The following ZSCAN25 variants were observed in gnomAD, a reference collection of about 807,000 sequenced individuals.
The protein encoded by ZSCAN25 is zinc finger and SCAN domain-containing protein 25.
Under a neutral mutation model 38.7 loss-of-function variants are expected in ZSCAN25, and 27 were observed. The observed-to-expected ratio is 0.70, with a 90% CI of 0.51 to 0.96. ZSCAN25 has a LOEUF of 0.96. Among genes scored for constraint, ZSCAN25 ranks in the 40% least tolerant of loss-of-function variants. The pLI is 0.00. For synonymous variants in ZSCAN25, 273 were observed against 277.7 expected (o/e 0.98, Z 0.17); for missense variants, 637 against 705.9 (o/e 0.90, Z 1.11).
the ZSCAN25 span, among the ~76,000 whole-genome samples, chr7:99,690,390 G>A: frequency 1.3e-5 from 2 of 152,162 alleles, no homozygotes; most frequent in South Asian, 4.1e-4. Context: ...GCATGGGCAA[G>A]GACTTCATGT....
the ZSCAN25 span, among the ~76,000 whole-genome samples, chr7:99,641,894 T>G: frequency 8.0e-4 from 122 of 152,340 alleles, no homozygotes; most frequent in African/African-American, 2.8e-3. Context: ...GCATACTCTC[T>G]TCTCTATCCA....
downstream of ZSCAN25, among the ~76,000 whole-genome samples, chr7:99,633,025 G>A (rs927290150): frequency 8.3e-6 from 1 of 120,042 alleles, no homozygotes; most frequent in Non-Finnish European, 1.6e-5. Context: ...TCGCTCTGTT[G>A]CCCAGGCTGG....
At chr7:99,710,775 T>C in the ZSCAN25 span, 16 of 1,613,806 alleles carry the variant, frequency 9.9e-6, no homozygotes, top group African/African-American at 1.3e-5. Flanking sequence ...CACTTTCTGC[T>C]GGACATCAGG....
Position 99,619,988 on chromosome 7 carries a change from A to C in ZSCAN25, c.382A>C (p.Lys128Gln). Residue 128 changes from lysine to glutamine, a missense_variant, in exon 4 of 8, where the codon AAG becomes CAG. Physicochemically the swap from Lys to Gln is moderately conservative, Grantham distance 53. Transcript: ENST00000394152. ...CCTGACAGAAAGAGCACTGGAGGCC[A>C]AGGCGGTGGGTGAGGAGGGGATCCA... ...EDLTERALEA[K>Q]AVPCHRQGEQ... is the part of the protein sequence containing the mutation. 6.2e-7 allele frequency: 1 copy of C among 1,611,764 alleles called. No individual in the cohort carries two copies. The highest frequency in any genetic ancestry group is 8.5e-7 in the Non-Finnish European group (1 of 1,179,418).
At chr7:99,677,933 A>T in the ZSCAN25 span, among the ~76,000 whole-genome samples, 1 of 152,246 alleles carries the variant, frequency 6.6e-6, no homozygotes, top group Non-Finnish European at 1.5e-5. Context: ...TTCACATGGT[A>T]CCATGTCAAG....
the ZSCAN25 span, among the ~76,000 whole-genome samples, chr7:99,730,159 G>A: frequency 6.6e-6 from 1 of 152,162 alleles, no homozygotes; most frequent in Non-Finnish European, 1.5e-5. Flanking sequence ...CATCAGATAA[G>A]GTTAGGCACA....
At chr7:99,665,039 A>G in the ZSCAN25 span, 2 of 915,958 alleles carry the variant, frequency 2.2e-6, no homozygotes, top group Non-Finnish European at 3.2e-6. Context: ...ATGGTCATAC[A>G]TATTTTTGAT....
the ZSCAN25 span, among the ~76,000 whole-genome samples, chr7:99,710,136 A>C: frequency 6.6e-6 from 1 of 152,248 alleles, no homozygotes; most frequent in African/African-American, 2.4e-5. Context: ...ATGTCTCTTC[A>C]TAGCACAAAG....
chr7:99,617,176 C>G (rs1272138997), intron 1 of ZSCAN25, among the ~76,000 whole-genome samples, 160 bp downstream of exon 1: 1 of 152,208 alleles, frequency 6.6e-6, no homozygotes, highest in Non-Finnish European at 1.5e-5. Context: ...CTCTCAGGAG[C>G]TGCCTTCAGC....
the ZSCAN25 span, chr7:99,662,877 T>G: frequency 6.2e-7 from 1 of 1,613,706 alleles, no homozygotes. The surrounding 1 kb of genome is among the most constrained non-coding windows in gnomAD (Gnocchi z 4.3). Flanking sequence ...GGAAATCTAG[T>G]CGGTGCTAGA....
Position 99,630,584 on chromosome 7 carries a change from G to A in ZSCAN25, c.*564G>A, listed in dbSNP as rs1444207292. 8.1e-6 allele frequency: 8 copies of A among 987,128 alleles called. No individual in the cohort carries two copies. The highest frequency in any genetic ancestry group is 9.6e-6 in the Non-Finnish European group (8 of 831,358). 61.1% of individuals were successfully genotyped at this position (987,128 alleles called of 1,614,324 possible). On this transcript the variant is annotated 3_prime_UTR_variant, in exon 8 of 8. Transcript: ENST00000394152. ...CCCGAGGCATTCTCAGGGTATCTGT[G>A]CTGTGTGCCCGTGAGAACATCTTCC... is the stretch of plus-strand genomic sequence containing the variant.
the ZSCAN25 span, among the ~76,000 whole-genome samples, chr7:99,716,856 T>C: frequency 2.2e-3 from 336 of 152,238 alleles, 5 homozygotes; most frequent in Admixed American, 0.013. Flanking sequence ...CACCATCCCA[T>C]ACACTCCATG....
the ZSCAN25 span, among the ~76,000 whole-genome samples, chr7:99,655,483 C>G: frequency 6.6e-6 from 1 of 152,138 alleles, no homozygotes; most frequent in African/African-American, 2.4e-5. Context: ...TTACTGTAGC[C>G]TTGTAGTATA....
the ZSCAN25 span, chr7:99,717,634 G>T: frequency 1.9e-6 from 3 of 1,613,398 alleles, no homozygotes; most frequent in African/African-American, 4.0e-5. Flanking sequence ...CCACTGGCCC[G>T]AAAGGCTAGA....
chr7:99,735,622 C>G, the ZSCAN25 span, among the ~76,000 whole-genome samples: 1 of 152,318 alleles, frequency 6.6e-6, no homozygotes, highest in East Asian at 1.9e-4. Context: ...CAGACAGAGC[C>G]TTCTCTTAGA....
chr7:99,653,954 A>C, the ZSCAN25 span, among the ~76,000 whole-genome samples: 1 of 152,194 alleles, frequency 6.6e-6, no homozygotes, highest in Non-Finnish European at 1.5e-5. This position sits in a 1 kb window ranked among gnomAD's most constrained non-coding sequence, Gnocchi z 4.2. Flanking sequence ...GTCAGCCTCC[A>C]TCGCGCCCCC....
At chr7:99,691,164 A>AGTTT in the ZSCAN25 span, among the ~76,000 whole-genome samples, 26 of 152,166 alleles carry the variant, frequency 1.7e-4, no homozygotes, top group Non-Finnish European at 1.3e-4. Context: ...GAAGGTGGAA[A>AGTTT]CCATCATTCT....
In ZSCAN25 at chr7:99,631,220, A is replaced by C; in HGVS notation, c.*1200A>C. On this transcript the variant is annotated 3_prime_UTR_variant, in exon 8 of 8. Coordinates refer to ENST00000394152, the MANE Select transcript of ZSCAN25 (RefSeq NM_145115.3). ...ATTTGTCACCTACCTCTTGTTACTA[A>C]ATGGTCTCTGCCCTCCAGACCCTTG... The C allele has an allele frequency of 1.0e-6, 1 of 985,404 alleles. No homozygotes were observed. Among genetic ancestry groups the C allele is most frequent in the Non-Finnish European group, 1.2e-6 (1 of 829,940 alleles). 61.0% of individuals were successfully genotyped at this position (985,404 alleles called of 1,614,324 possible).
the ZSCAN25 span, chr7:99,705,530 C>T: frequency 6.2e-7 from 1 of 1,613,704 alleles, no homozygotes; most frequent in South Asian, 1.1e-5. Context: ...CATCCCTTGA[C>T]TCAGCCTTTA....
Sources: allele counts gnomAD v4.1 joint callset (sites outside exome capture counted in the v4.1 genomes callset), GRCh38; gene constraint gnomAD v4.1.1; non-coding constraint Gnocchi (gnomAD v3.1); transcripts MANE v1.5; gene names NCBI Gene and HGNC (gene_info 2026-07-23, HGNC 2026-07-21).